The following ASXL1 variants were observed in gnomAD, a reference collection of about 807,000 sequenced individuals.
ASXL1 encodes ASXL transcriptional regulator 1, also known as polycomb group protein ASXL1.
Under a neutral mutation model 89.1 loss-of-function variants are expected in ASXL1, and 65 were observed. The ratio of observed to expected loss-of-function variants is 0.73; its 90% confidence interval spans 0.60 to 0.90. ASXL1 has a LOEUF of 0.90. Ranked by LOEUF, ASXL1 falls within the 40% of genes least tolerant of loss-of-function variation. The pLI, the probability that ASXL1 is intolerant of heterozygous loss-of-function variation, is 0.00. For missense variants in ASXL1, 1,786 were observed against 1,942.9 expected (o/e 0.92, Z 1.52); for synonymous variants, 739 against 746.9 (o/e 0.99, Z 0.17).
chr20:32,411,049 AAAAAAAT>A lies in ASXL1; in HGVS notation c.253-17072_253-17066del, dbSNP rs1351117336. ...TCTGTCTCAAAAAAAAAAAAAAATA[AAAAAAAT>A]AAAAAAAAATTAGTACTCTGAGAGT... On this transcript the variant is annotated intron_variant, in intron 4 of 12. Transcript: ENST00000375687. 3.7e-3 allele frequency among the ~76,000 whole-genome samples: 231 copies of A among 61,782 alleles called. 24 individuals are homozygous for A. Among genetic ancestry groups the A allele is most frequent in the African/African-American group, 6.9e-3 (164 of 23,710 alleles). The allele number at this position is 61,782 out of a possible 152,430, so 40.5% of individuals were successfully genotyped here. A position where few individuals can be genotyped will look rare whatever the true frequency, so the allele number is the denominator to read the frequency against.
At chr20:32,374,527 C>G (rs1361442751) in intron 4 of ASXL1, among the ~76,000 whole-genome samples, 1 of 152,150 alleles carries the variant, frequency 6.6e-6, no homozygotes, top group Non-Finnish European at 1.5e-5. Context: ...AACTCCTGGC[C>G]TCAAGCAATC....
At chr20:32,421,027 A>G (rs1268393136) in intron 4 of ASXL1, among the ~76,000 whole-genome samples, 5 of 137,884 alleles carry the variant, frequency 3.6e-5, no homozygotes, top group Admixed American at 3.6e-4. Context: ...GTGAGAACCC[A>G]TGGACACAGG....
At chr20:32,408,369 A>T (rs550576094) in intron 4 of ASXL1, among the ~76,000 whole-genome samples, 47 of 152,316 alleles carry the variant, frequency 3.1e-4, no homozygotes, top group African/African-American at 1.1e-3. Context: ...GTCAAAAATC[A>T]GTTGAGTCCA....
At chr20:32,413,771 TC>T (rs2049090402) in intron 4 of ASXL1, among the ~76,000 whole-genome samples, 2 of 152,234 alleles carry the variant, frequency 1.3e-5, no homozygotes, top group African/African-American at 4.8e-5. Flanking sequence ...CCTTGGGAAT[TC>T]TCTTCACTTT....
chr20:32,377,166 T>C (rs961374334), intron 4 of ASXL1, among the ~76,000 whole-genome samples: 8 of 141,672 alleles, frequency 5.6e-5, no homozygotes, highest in Admixed American at 5.3e-4. Flanking sequence ...TCTATAAATA[T>C]ATTATATATA....
At chr20:32,370,922 G>A (rs867943654) in intron 4 of ASXL1, among the ~76,000 whole-genome samples, 2 of 150,048 alleles carry the variant, frequency 1.3e-5, no homozygotes, top group East Asian at 1.9e-4. Flanking sequence ...AGGCTAAGGC[G>A]GGAGGATTGC....
At chr20:32,390,432 A>C (rs1009354263) in intron 4 of ASXL1, among the ~76,000 whole-genome samples, 9 of 152,142 alleles carry the variant, frequency 5.9e-5, no homozygotes, top group Non-Finnish European at 1.3e-4. Context: ...GTTTTGACAG[A>C]TCTATATACA....
intron 6 of ASXL1, chr20:32,428,899 G>A (rs1020856336): frequency 3.3e-6 from 1 of 306,964 alleles, no homozygotes; most frequent in Non-Finnish European, 6.3e-6. Flanking sequence ...GACCTCAAGT[G>A]GTCTGTCCAC....
intron 1 of ASXL1, chr20:32,359,665 ATC>A (rs2122761840): frequency 1.4e-6 from 1 of 717,512 alleles, no homozygotes; most frequent in Non-Finnish European, 2.6e-6. Flanking sequence ...AAGACAAAGT[ATC>A]TCTGTTGGGA....
chr20:32,417,017 T>C (rs1048996249), intron 4 of ASXL1, among the ~76,000 whole-genome samples: 6 of 152,196 alleles, frequency 3.9e-5, no homozygotes, highest in South Asian at 2.1e-4. Flanking sequence ...TGAATTTTTT[T>C]CCCCTTGACT....
intron 4 of ASXL1, among the ~76,000 whole-genome samples, chr20:32,420,490 T>A (rs73906137): frequency 0.025 from 3,849 of 152,166 alleles, 154 homozygotes; most frequent in African/African-American, 0.087. Flanking sequence ...TTACAGATGG[T>A]TTATTTTTTT....
intron 4 of ASXL1, among the ~76,000 whole-genome samples, chr20:32,376,046 T>A (rs1026801747): frequency 2.0e-5 from 3 of 151,888 alleles, no homozygotes; most frequent in African/African-American, 7.3e-5. Context: ...CGGAATCCTT[T>A]ATGTTTTACT....
intron 4 of ASXL1, among the ~76,000 whole-genome samples, chr20:32,387,235 A>T: frequency 6.6e-6 from 1 of 152,148 alleles, no homozygotes; most frequent in Non-Finnish European, 1.5e-5. Flanking sequence ...GAACTGGGAG[A>T]CAGGTTTCAG....
chr20:32,437,573 T>G lies in ASXL1; in HGVS notation c.*235T>G. On this transcript the variant is annotated 3_prime_UTR_variant, in exon 13 of 13. Coordinates refer to ENST00000375687, the MANE Select transcript of ASXL1 (RefSeq NM_015338.6). ...CTGCCCAAGGCCAGCCAGCCTGAGC[T>G]CTCCTGCAAGACAGAGCCTGATGTG... is the stretch of plus-strand genomic sequence containing the variant. 1.7e-6 allele frequency: 1 copy of G among 585,694 alleles called. No homozygotes were observed. 36.3% of individuals were successfully genotyped at this position (585,694 alleles called of 1,614,324 possible). A position where few individuals can be genotyped will look rare whatever the true frequency, so the allele number is the denominator to read the frequency against.
At chr20:32,430,891 TC>T (rs1285356792) in intron 8 of ASXL1, 2 of 430,470 alleles carry the variant, frequency 4.6e-6, no homozygotes, top group Non-Finnish European at 8.8e-6. Flanking sequence ...TGCATGGAGA[TC>T]ATCCCTCTCC....
intron 1 of ASXL1, among the ~76,000 whole-genome samples, chr20:32,363,262 TAAAA>T (rs11482132): frequency 6.6e-6 from 1 of 150,542 alleles, no homozygotes; most frequent in East Asian, 1.9e-4. Flanking sequence ...TCATGCTTCT[TAAAA>T]AAAAAAGATA....
intron 4 of ASXL1, among the ~76,000 whole-genome samples, chr20:32,405,382 C>G (rs922617235): frequency 6.6e-6 from 1 of 152,082 alleles, no homozygotes; most frequent in African/African-American, 2.4e-5. Flanking sequence ...CTGGCCCTAC[C>G]CTTAATACTT....
At chr20:32,372,365 A>G in intron 4 of ASXL1, 3 of 1,140,094 alleles carry the variant, frequency 2.6e-6, no homozygotes, top group Non-Finnish European at 3.3e-6. Flanking sequence ...TATCTTGTTC[A>G]TTGGCCTTTT....
At chr20:32,388,288 C>T (rs1352274216) in intron 4 of ASXL1, among the ~76,000 whole-genome samples, 2 of 152,194 alleles carry the variant, frequency 1.3e-5, no homozygotes, top group African/African-American at 4.8e-5. Context: ...AATTCTCCTG[C>T]CTCAGCCTCC....
Sources: allele counts gnomAD v4.1 joint callset (sites outside exome capture counted in the v4.1 genomes callset), GRCh38; gene constraint gnomAD v4.1.1; transcripts MANE v1.5; gene names NCBI Gene and HGNC (gene_info 2026-07-23, HGNC 2026-07-21).